The following SMARCAD1 variants were observed in gnomAD, a reference collection of about 807,000 sequenced individuals.
The protein encoded by SMARCAD1 is SWI/SNF-related matrix-associated actin-dependent regulator of chromatin subfamily A containing DEAD/H box 1.
In SMARCAD1, 25 loss-of-function variants were observed where a neutral mutation model predicts 127.1. That is an observed-to-expected ratio of 0.20 (90% CI 0.14 to 0.27). SMARCAD1 has a LOEUF of 0.27. Among genes scored for constraint, SMARCAD1 ranks in the 10% least tolerant of loss-of-function variants. The pLI is 1.00. For missense variants in SMARCAD1, 807 were observed against 1,206.0 expected (o/e 0.67, Z 4.90); for synonymous variants, 400 against 396.9 (o/e 1.01, Z -0.09).
chr4:94,257,262 T>C (rs1750244555), intron 9 of SMARCAD1, among the ~76,000 whole-genome samples: 1 of 152,282 alleles, frequency 6.6e-6, no homozygotes, highest in Admixed American at 6.5e-5. Flanking sequence ...TGAAACAGCA[T>C]GTGCAGAAAT....
chr4:94,215,465 G>A (rs1305490653), intron 2 of SMARCAD1, among the ~76,000 whole-genome samples: 1 of 151,826 alleles, frequency 6.6e-6, no homozygotes, highest in African/African-American at 2.4e-5. Flanking sequence ...TACAAAAAAT[G>A]AAAAAATTAG....
At chr4:94,217,834 T>G (rs1194667349) in intron 2 of SMARCAD1, among the ~76,000 whole-genome samples, 1 of 152,220 alleles carries the variant, frequency 6.6e-6, no homozygotes, top group East Asian at 1.9e-4. Context: ...TATGTATAAC[T>G]ACAATTTTTA....
Position 94,237,016 on chromosome 4 carries a change from C to G in SMARCAD1, c.602C>G (p.Ala201Gly), listed in dbSNP as rs1246981583. The change falls in exon 5 of 24, where the codon GCA (alanine) becomes GGA (glycine). Residue 201 changes from alanine to glycine, a missense_variant and splice_region_variant. By Grantham distance (60) the Ala-to-Gly change is moderately conservative. Around this residue, in one of 8 missense-constraint regions of SMARCAD1, gnomAD observed 48 missense variants for 90.8 expected, o/e 0.53. Coordinates refer to ENST00000354268, the MANE Select transcript of SMARCAD1 (RefSeq NM_020159.5). ...GCTGCCTTGCTGATGTTTGGTGATG[C>G]AGGTATGCTTGACTTAATTTTAAGC... ...IAAALLMFGD[A>G]GGGPRKRKLS... 5.0e-6 allele frequency: 8 copies of G among 1,612,806 alleles called. No individual in the cohort carries two copies. Among genetic ancestry groups the G allele is most frequent in the Middle Eastern group, 3.3e-4 (2 of 6,052 alleles).
chr4:94,264,679 T>C, intron 9 of SMARCAD1, 28 bp from the exon 10 acceptor site: 1 of 1,584,428 alleles, frequency 6.3e-7, no homozygotes, highest in Non-Finnish European at 8.6e-7. Flanking sequence ...ATCTGAACTA[T>C]TCAATTATTT....
intron 2 of SMARCAD1, among the ~76,000 whole-genome samples, chr4:94,217,336 T>C (rs1215426882): frequency 6.6e-6 from 1 of 152,172 alleles, no homozygotes; most frequent in African/African-American, 2.4e-5. Context: ...TTCCCATGTT[T>C]GTTTGCATCT....
chr4:94,255,610 G>C lies in SMARCAD1; in HGVS notation c.1281+2603G>C, dbSNP rs139431297. Among the ~76,000 whole-genome samples the C allele has an allele frequency of 9.0e-3, 1,373 of 151,802 alleles. 22 individuals carry two copies. The highest frequency in any genetic ancestry group is 0.031 in the African/African-American group (1,276 of 41,456). On this transcript the variant is annotated intron_variant, in intron 9 of 23. Coordinates refer to ENST00000354268, the MANE Select transcript of SMARCAD1 (RefSeq NM_020159.5). ...TATACTTATTAATATTACCTACTTGGTAATCTAATTTCAGTAAGTTTAGAG... is the reference window on the plus strand; with the variant it reads ...TATACTTATTAATATTACCTACTTGCTAATCTAATTTCAGTAAGTTTAGAG...
intron 6 of SMARCAD1, 149 bp from the exon 7 acceptor site, chr4:94,249,505 A>G: frequency 1.6e-6 from 1 of 618,152 alleles, no homozygotes; most frequent in Non-Finnish European, 2.9e-6. Context: ...TAAATATGTC[A>G]ATGTTCACAG....
chr4:94,280,542 T>C, intron 19 of SMARCAD1, 50 bp from the exon 20 acceptor site: 1 of 1,476,182 alleles, frequency 6.8e-7, no homozygotes, highest in Non-Finnish European at 9.4e-7. Context: ...TCTCATCATA[T>C]TATTAATTAT....
chr4:94,248,333 T>A (rs866493286), intron 6 of SMARCAD1: 1 of 373,128 alleles, frequency 2.7e-6, no homozygotes, highest in Middle Eastern at 3.7e-4. Context: ...GACGCACATT[T>A]GATATATTAA....
chr4:94,266,690 G>A (rs1438636275), intron 10 of SMARCAD1, among the ~76,000 whole-genome samples: 2 of 152,006 alleles, frequency 1.3e-5, no homozygotes, highest in Non-Finnish European at 2.9e-5. Flanking sequence ...TAGCACAGAG[G>A]AAAATATTAG....
At chr4:94,230,711 C>T (rs773726808) in intron 3 of SMARCAD1, among the ~76,000 whole-genome samples, 4 of 152,108 alleles carry the variant, frequency 2.6e-5, no homozygotes, top group Non-Finnish European at 4.4e-5. Flanking sequence ...ACTTTGAGAA[C>T]CCACTGATGT....
At chr4:94,264,621 A>G (rs1255953012) in intron 9 of SMARCAD1, 86 bp from the exon 10 acceptor site, 15 of 1,208,496 alleles carry the variant, frequency 1.2e-5, no homozygotes, top group Non-Finnish European at 1.8e-5. Context: ...TAAATTAGCA[A>G]ACTTGTTTTC....
intron 4 of SMARCAD1, among the ~76,000 whole-genome samples, chr4:94,236,155 C>T (rs1011203276): frequency 2.0e-5 from 3 of 151,948 alleles, no homozygotes; most frequent in Non-Finnish European, 2.9e-5. Context: ...ATCTTAGCAT[C>T]CAAGATTAGG....
intron 2 of SMARCAD1, among the ~76,000 whole-genome samples, chr4:94,219,992 CCT>C (rs1743847313): frequency 6.6e-6 from 1 of 152,148 alleles, no homozygotes; most frequent in South Asian, 2.1e-4. Context: ...ACTATTCTTT[CCT>C]CTGTTTTTGT....
Position 94,290,518 on chromosome 4 carries a change from A to G in SMARCAD1, c.*984A>G. The G allele has an allele frequency of 2.2e-6, 1 of 454,522 alleles. No individual in the cohort carries two copies. The highest frequency in any genetic ancestry group is 4.4e-6 in the Non-Finnish European group (1 of 226,760). The allele number at this position is 454,522 out of a possible 1,614,324, so 28.2% of individuals were successfully genotyped here. The stretch of plus-strand genomic sequence containing the variant: ...GCAGCATTAGGTACTGCATGGAAAT[A>G]GGTCATTAACTTGAAACTCTTATCA... On this transcript the variant is annotated 3_prime_UTR_variant, in exon 24 of 24. Coordinates refer to ENST00000354268, the MANE Select transcript of SMARCAD1 (RefSeq NM_020159.5).
At chr4:94,226,391 TTTTTTTTTTTC>T in intron 3 of SMARCAD1, 95 bp downstream of exon 3, 1 of 919,814 alleles carries the variant, frequency 1.1e-6, no homozygotes, top group Non-Finnish European at 1.6e-6. Context: ...GACTTCCCTT[TTTTTTTTTTTC>T]TTTTTTTTTT....
intron 20 of SMARCAD1, among the ~76,000 whole-genome samples, chr4:94,281,129 G>T (rs1211085197): frequency 6.6e-6 from 1 of 152,140 alleles, no homozygotes; most frequent in Non-Finnish European, 1.5e-5. Context: ...GTGTGAAATA[G>T]CCTAAATTTG....
chr4:94,251,866 T>G (rs1248006933), intron 8 of SMARCAD1, among the ~76,000 whole-genome samples: 2 of 152,160 alleles, frequency 1.3e-5, no homozygotes, highest in African/African-American at 2.4e-5. Context: ...TTTTTATTTT[T>G]TTTGAGACGG....
chr4:94,282,717 G>A (rs559296900), intron 21 of SMARCAD1, among the ~76,000 whole-genome samples: 2 of 149,968 alleles, frequency 1.3e-5, no homozygotes, highest in East Asian at 4.0e-4. Context: ...TTTTTTTAAA[G>A]AAGAGAATCC....
Sources: gnomAD v4.1 joint callset for allele counts (sites outside exome capture counted in the v4.1 genomes callset) on GRCh38, gnomAD v4.1.1 for gene constraint, gnomAD v4.1.1 regional missense constraint, MANE v1.5 for transcripts, NCBI Gene and HGNC (gene_info 2026-07-23, HGNC 2026-07-21) for gene names.